Variants in TRPM4 observed in about 807,000 individuals in gnomAD.
TRPM4 encodes the protein transient receptor potential cation channel subfamily M member 4.
Under a neutral mutation model 135.6 loss-of-function variants are expected in TRPM4, and 124 were observed. The ratio of observed to expected loss-of-function variants is 0.91; its 90% CI spans 0.79 to 1.06. The LOEUF (loss-of-function observed/expected upper bound fraction) is 1.06, where lower values mean the gene tolerates loss of function less well. Among genes scored for constraint, TRPM4 ranks in the 50% least tolerant of loss-of-function variants. The probability of loss-of-function intolerance (pLI) is 0.00; values close to 1 mark genes in which losing one functional copy is unlikely to be tolerated. For synonymous variants in TRPM4, 745 were observed against 705.6 expected, an observed-to-expected ratio of 1.06 and a Z score of -0.88; for missense variants, 1,658 against 1,671.4, an observed-to-expected ratio of 0.99 and a Z score of 0.14.
At position 49,178,920 on chromosome 19, in the gene TRPM4, G is replaced by A. The variant is rs188542158; in HGVS notation, c.1151-2429G>A. Among the ~76,000 whole-genome samples, 421 of 149,452 alleles carry A rather than the reference G, an allele frequency of 2.8e-3. 3 individuals are homozygous for A. The highest frequency in any genetic ancestry group is 1.0e-2 in the African/African-American group (404 of 40,538). On this transcript the variant is annotated intron_variant, in intron 9 of 24. Transcript: ENST00000252826. ...ACTACAGGCGCCCGCCACCATGCCC[G>A]GCTAATTTTTTGTATATTTAGTAGA...
At chr19:49,192,968 T>C (rs1378217919) in intron 16 of TRPM4, among the ~76,000 whole-genome samples, 4 of 152,052 alleles carry the variant, frequency 2.6e-5, no homozygotes, top group African/African-American at 7.2e-5. Flanking sequence ...TGTCCTTCCC[T>C]AGCAATTTCT....
intron 20 of TRPM4, 32 bp downstream of exon 20, chr19:49,202,173 A>C (rs1246683882): frequency 6.2e-7 from 1 of 1,611,276 alleles, no homozygotes; most frequent in African/African-American, 1.3e-5. Context: ...ATCTGACCCC[A>C]CCCAGCATGA....
In TRPM4 at chr19:49,197,356, CTTTCTT is replaced by C. The variant is rs1368417862; in HGVS notation, c.2645+484_2645+489del. ...TCTTTCTTTCTTTCTTTCTTTCTTT[CTTTCTT>C]TCTCTCTCTTTCTTTTCTTTCTTTC... On this transcript the variant is annotated intron_variant, in intron 17 of 24. Transcript: ENST00000252826. Among the ~76,000 whole-genome samples the C allele has an allele frequency of 6.1e-3, 614 of 100,912 alleles. 7 individuals carry two copies. Among genetic ancestry groups the C allele is most frequent in the African/African-American group, 0.032 (549 of 17,000 alleles). The allele number at this position is 100,912 out of a possible 152,430, so 66.2% of individuals were successfully genotyped here. A position where few individuals can be genotyped will look rare whatever the true frequency, so the allele number is the denominator to read the frequency against.
chr19:49,171,310 C>A lies in TRPM4; in HGVS notation c.797-47C>A, dbSNP rs767568075. 8 of 1,609,584 alleles carry A rather than the reference C, an allele frequency of 5.0e-6. No homozygotes were observed. The highest frequency in any genetic ancestry group is 6.8e-6 in the Non-Finnish European group (8 of 1,175,938). Reference sequence around the variant, plus strand: ...AAATGCGGTTTTCTCCTATCTCCAGCAAAGGCTGATGGGAGGTAATCAAGC... The same window carrying A: ...AAATGCGGTTTTCTCCTATCTCCAGAAAAGGCTGATGGGAGGTAATCAAGC... On this transcript the variant is annotated intron_variant, in intron 6 of 24. Coordinates refer to ENST00000252826, the MANE Select transcript of TRPM4 (RefSeq NM_017636.4). The surrounding 1 kb of genome is among the most constrained non-coding windows in gnomAD (Gnocchi z 4.7).
chr19:49,200,194 G>A lies in TRPM4; in HGVS notation c.2646-106G>A. 1.9e-6 allele frequency: 3 copies of A among 1,565,796 alleles called. No homozygotes were observed. The South Asian group carries it at 3.3e-5, about 17-fold the overall frequency. The stretch of plus-strand genomic sequence containing the variant: ...GGGTGACTGGGAGGGTCCTGGTCCT[G>A]CCCGGTGGAGGCTGCAGCTTCCTCT... On this transcript the variant is annotated intron_variant, in intron 17 of 24. Coordinates refer to ENST00000252826, the MANE Select transcript of TRPM4 (RefSeq NM_017636.4).
Position 49,190,222 on chromosome 19 carries a change from G to C in TRPM4, c.2034G>C (p.Gln678His). The change falls in exon 15 of 25, where the codon CAG becomes CAC. Residue 678 changes from glutamine (Q) to histidine (H), a missense_variant. By Grantham distance (24) the Gln-to-His change is conservative. Coordinates refer to ENST00000252826, the MANE Select transcript of TRPM4 (RefSeq NM_017636.4). ...ACCCCCCACAGTCTCTGCTGACACAGAAGTGGTGGGGAGATATGGCCAGCA... is the reference window on the plus strand; with the variant it reads ...ACCCCCCACAGTCTCTGCTGACACACAAGTGGTGGGGAGATATGGCCAGCA... ...AQDGVQSLLTQKWWGDMASTT... is the reference protein window; with the variant it reads ...AQDGVQSLLTHKWWGDMASTT... The C allele has an allele frequency of 6.2e-7, 1 of 1,614,156 alleles. No individual in the cohort carries two copies. The highest frequency in any genetic ancestry group is 8.5e-7 in the Non-Finnish European group (1 of 1,179,988).
intron 3 of TRPM4, among the ~76,000 whole-genome samples, chr19:49,167,338 T>A (rs1967244392): frequency 7.5e-6 from 1 of 134,010 alleles, no homozygotes; most frequent in Non-Finnish European, 1.6e-5. Flanking sequence ...TGTCCCCATC[T>A]CTCTGGGTCT....
intron 9 of TRPM4, among the ~76,000 whole-genome samples, chr19:49,172,416 T>C (rs1357543367): frequency 6.6e-6 from 1 of 152,308 alleles, no homozygotes; most frequent in East Asian, 1.9e-4. Context: ...TCCCTCATTC[T>C]TTCATCCATC....
chr19:49,190,313 A>C lies in TRPM4; in HGVS notation c.2125A>C (p.Thr709Pro). Reference protein sequence around the residue: ...CPPLIYTRLITFRKSEEEPTR... With the variant: ...CPPLIYTRLIPFRKSEEEPTR... ...TCCACTCATCTACACCCGCCTCATC[A>C]CCTTCAGGTCAGTACCCTGGGGTGA... The change falls in exon 15 of 25, where the codon ACC (threonine) becomes CCC (proline). Residue 709 changes from threonine (T) to proline (P), a missense_variant. Coordinates refer to ENST00000252826, the MANE Select transcript of TRPM4 (RefSeq NM_017636.4). 1 of 1,613,970 alleles carries C rather than the reference A, an allele frequency of 6.2e-7. No individual in the cohort carries two copies. Among genetic ancestry groups the C allele is most frequent in the Non-Finnish European group, 8.5e-7 (1 of 1,179,936 alleles).
chr19:49,168,238 A>C (rs1233313939), intron 4 of TRPM4, 22 bp from the exon 5 acceptor site: 1 of 1,613,934 alleles, frequency 6.2e-7, no homozygotes, highest in South Asian at 1.1e-5. Context: ...CTGCCTCTGC[A>C]TGTTCCTCGG....
chr19:49,182,463 T>C (rs369102832), intron 10 of TRPM4, 115 bp from the exon 11 acceptor site: 40 of 388,164 alleles, frequency 1.0e-4, no homozygotes, highest in East Asian at 3.1e-4. Flanking sequence ...CATCCATCCA[T>C]CCATCCATCC....
rs769550907 is a variant in TRPM4 at position 49,171,402 on chromosome 19, A to G, written c.842A>G (p.Asp281Gly). The stretch of plus-strand genomic sequence containing the variant: ...GTCCTGCTCCTCCTGATTGATGGTG[A>G]TGAGAAGATGTTGACGGTATAGGGG... ...IPVLLLLIDG[D>G]EKMLTRIENA... The change falls in exon 7 of 25, where the codon GAT becomes GGT. Residue 281 changes from aspartate (D) to glycine (G), a missense_variant. Physicochemically the swap from Asp to Gly is moderately conservative, Grantham distance 94. Around this residue, in one of 3 missense-constraint regions of TRPM4, gnomAD observed 1,412 missense variants for 1,408.7 expected, o/e 1.00. Coordinates refer to ENST00000252826, the MANE Select transcript of TRPM4 (RefSeq NM_017636.4). This position sits in a 1 kb window ranked among gnomAD's most constrained non-coding sequence, Gnocchi z 4.7. 2 of 1,613,850 alleles carry G rather than the reference A, an allele frequency of 1.2e-6. No homozygotes were observed. The highest frequency in any genetic ancestry group is 2.2e-5 in the South Asian group (2 of 91,086).
Position 49,197,310 on chromosome 19 carries a change from T to C in TRPM4, c.2645+436T>C, listed in dbSNP as rs141238336. ...TTTCTTTCTTTCTCTTTCTTTCTTT[T>C]TCTTTCTTTCTTTCTTTCTTTCTTT... On this transcript the variant is annotated intron_variant, in intron 17 of 24. Transcript: ENST00000252826. Among the ~76,000 whole-genome samples, 480 of 57,422 alleles carry C rather than the reference T, an allele frequency of 8.4e-3. 4 individuals carry two copies. The highest frequency in any genetic ancestry group is 0.026 in the African/African-American group (316 of 12,042). The allele number at this position is 57,422 out of a possible 152,430, so 37.7% of individuals were successfully genotyped here.
At chr19:49,187,747 G>A (rs532722275) in intron 12 of TRPM4, among the ~76,000 whole-genome samples, 1 of 152,122 alleles carries the variant, frequency 6.6e-6, no homozygotes, top group Non-Finnish European at 1.5e-5. Flanking sequence ...CAGTCTCCTC[G>A]AGGATTCAGG....
chr19:49,170,095 T>G (rs114223816), intron 6 of TRPM4, among the ~76,000 whole-genome samples: 1,945 of 152,326 alleles, frequency 0.013, 41 homozygotes, highest in African/African-American at 0.043. Context: ...AAAAATCAAT[T>G]TTCACTTCAG....
At chr19:49,163,698 T>C (rs1282922660) in intron 2 of TRPM4, among the ~76,000 whole-genome samples, 3 of 152,188 alleles carry the variant, frequency 2.0e-5, no homozygotes, top group African/African-American at 7.2e-5. Flanking sequence ...TCTCGCTCTA[T>C]TGCCCAGGCT....
intron 9 of TRPM4, among the ~76,000 whole-genome samples, chr19:49,175,893 C>T (rs1285778550): frequency 6.9e-6 from 1 of 145,628 alleles, no homozygotes; most frequent in African/African-American, 2.6e-5. Context: ...TCCCAAAGTG[C>T]TGGGATTACA....
chr19:49,172,986 A>C (rs954650637), intron 9 of TRPM4, among the ~76,000 whole-genome samples: 1 of 144,672 alleles, frequency 6.9e-6, no homozygotes. Context: ...CCATCTTCTC[A>C]CCTGTCCATC....
chr19:49,200,881 TG>T (rs907469312), intron 19 of TRPM4, 96 bp downstream of exon 19: 1 of 1,338,430 alleles, frequency 7.5e-7, no homozygotes, highest in African/African-American at 1.4e-5. Context: ...TCTGTCTCTC[TG>T]AGTCTCTGTC....
Sources: gnomAD v4.1 joint callset for allele counts (sites outside exome capture counted in the v4.1 genomes callset) on GRCh38, gnomAD v4.1.1 for gene constraint, gnomAD v4.1.1 regional missense constraint, Gnocchi (gnomAD v3.1) non-coding constraint, MANE v1.5 for transcripts, NCBI Gene and HGNC (gene_info 2026-07-23, HGNC 2026-07-21) for gene names.